The following CPAP variants were observed in gnomAD, a reference collection of about 807,000 sequenced individuals.
The protein encoded by CPAP is centrosome assembly and centriole elongation protein.
chr13:24,887,231 T>C, the CPAP span, among the ~76,000 whole-genome samples: 1 of 152,194 alleles, frequency 6.6e-6, no homozygotes, highest in Non-Finnish European at 1.5e-5. Flanking sequence ...AGCCATGAAC[T>C]AGGAGAAGAT....
At chr13:24,888,936 AT>A in the CPAP span, among the ~76,000 whole-genome samples, 1 of 150,476 alleles carries the variant, frequency 6.6e-6, no homozygotes, top group African/African-American at 2.5e-5. Flanking sequence ...GCAGATCTCC[AT>A]TTTTTTTTCA....
At chr13:24,920,142 TACA>T in the CPAP span, among the ~76,000 whole-genome samples, 2 of 152,218 alleles carry the variant, frequency 1.3e-5, no homozygotes, top group Non-Finnish European at 2.9e-5. Flanking sequence ...AATGGGATTT[TACA>T]ACAAGAGACT....
At chr13:24,912,899 CTTT>C in the CPAP span, 2 of 1,614,186 alleles carry the variant, frequency 1.2e-6, no homozygotes, top group Non-Finnish European at 1.7e-6. Context: ...GCTCGCTTCT[CTTT>C]GTCTGCTTCC....
At chr13:24,895,687 A>C in the CPAP span, among the ~76,000 whole-genome samples, 1 of 152,278 alleles carries the variant, frequency 6.6e-6, no homozygotes, top group Non-Finnish European at 1.5e-5. Context: ...CAAGGGCAGC[A>C]CTAAATGGCA....
the CPAP span, chr13:24,885,220 A>G: frequency 2.0e-5 from 24 of 1,190,380 alleles, no homozygotes; most frequent in South Asian, 3.7e-5. Flanking sequence ...TGTTTCAACT[A>G]TTTTAACCCA....
At chr13:24,892,960 A>G in the CPAP span, 1 of 932,390 alleles carries the variant, frequency 1.1e-6, no homozygotes, top group Non-Finnish European at 1.7e-6. Flanking sequence ...GAAACAGAAT[A>G]GCCAGCAAGA....
At chr13:24,894,331 T>A in the CPAP span, among the ~76,000 whole-genome samples, 1 of 151,886 alleles carries the variant, frequency 6.6e-6, no homozygotes, top group Admixed American at 6.5e-5. Flanking sequence ...GGAATCTGAG[T>A]GGACTTTCTG....
the CPAP span, among the ~76,000 whole-genome samples, chr13:24,908,874 T>C: frequency 6.6e-6 from 1 of 152,224 alleles, no homozygotes; most frequent in East Asian, 1.9e-4. Flanking sequence ...ACTGTGGTTA[T>C]ACAGATGAAT....
At chr13:24,915,457 T>C in the CPAP span, among the ~76,000 whole-genome samples, 5 of 152,136 alleles carry the variant, frequency 3.3e-5, no homozygotes, top group Admixed American at 3.3e-4. Flanking sequence ...ATAAAGATGG[T>C]ATTTAAAGCC....
the CPAP span, chr13:24,883,103 C>T: frequency 7.7e-7 from 1 of 1,304,486 alleles, no homozygotes; most frequent in Admixed American, 1.7e-5. Flanking sequence ...ATAAATTAAA[C>T]AGAATCCACA....
the CPAP span, among the ~76,000 whole-genome samples, chr13:24,926,072 C>G: frequency 6.6e-6 from 1 of 152,194 alleles, no homozygotes; most frequent in Non-Finnish European, 1.5e-5. Context: ...TCTGAGTACT[C>G]GTTTCATCCA....
At chr13:24,913,918 A>G in the CPAP span, among the ~76,000 whole-genome samples, 1 of 152,212 alleles carries the variant, frequency 6.6e-6, no homozygotes, top group Non-Finnish European at 1.5e-5. Context: ...CAGAGAAGAT[A>G]AGCCTTGCCT....
At chr13:24,919,439 T>C in the CPAP span, among the ~76,000 whole-genome samples, 1 of 152,186 alleles carries the variant, frequency 6.6e-6, no homozygotes, top group African/African-American at 2.4e-5. Context: ...TTTTTTTCCT[T>C]GAGACAGGGT....
the CPAP span, chr13:24,889,302 A>G: frequency 6.4e-7 from 1 of 1,558,904 alleles, no homozygotes; most frequent in Non-Finnish European, 8.9e-7. Context: ...TAAAAAGATC[A>G]TGCAGCCTCT....
chr13:24,892,790 A>T, the CPAP span: 1 of 1,613,848 alleles, frequency 6.2e-7, no homozygotes, highest in South Asian at 1.1e-5. Context: ...GGCTTCTGAG[A>T]CGGCTGTGTG....
At chr13:24,906,805 C>T in the CPAP span, 1,147 of 1,614,166 alleles carry the variant, frequency 7.1e-4, 6 homozygotes, top group African/African-American at 0.012. Flanking sequence ...TTTTAAACAG[C>T]GGCTGGTCCT....
At chr13:24,904,444 T>C in the CPAP span, among the ~76,000 whole-genome samples, 1 of 152,222 alleles carries the variant, frequency 6.6e-6, no homozygotes, top group Admixed American at 6.5e-5. Flanking sequence ...ATCAAATAAA[T>C]GCAAATTGTT....
At chr13:24,895,701 G>A in the CPAP span, among the ~76,000 whole-genome samples, 1 of 152,244 alleles carries the variant, frequency 6.6e-6, no homozygotes, top group Non-Finnish European at 1.5e-5. Context: ...AATGGCAAGG[G>A]AGCCATGGAC....
At chr13:24,906,776 T>C in the CPAP span, 1 of 1,614,210 alleles carries the variant, frequency 6.2e-7, no homozygotes, top group Non-Finnish European at 8.5e-7. Flanking sequence ...GGTTTTCCGC[T>C]GGAGTTGCTG....
Sources: gnomAD v4.1 joint callset for allele counts (sites outside exome capture counted in the v4.1 genomes callset) on GRCh38, gnomAD v4.1.1 for gene constraint, MANE v1.5 for transcripts, NCBI Gene and HGNC (gene_info 2026-07-23, HGNC 2026-07-21) for gene names.